Variants in NUDT21 observed in about 807,000 individuals in gnomAD.
The protein encoded by NUDT21 is nudix hydrolase 21.
NUDT21 carries 5 observed loss-of-function variants against 29.8 expected under a neutral mutation model. The ratio of observed to expected loss-of-function variants is 0.17; its 90% CI spans 0.09 to 0.35. The LOEUF is 0.35. Ranked by LOEUF, NUDT21 falls within the 10% of genes least tolerant of loss-of-function variation. NUDT21 has a pLI of 1.00. For missense variants in NUDT21, 76 were observed against 276.0 expected (o/e 0.28, Z 5.13); for synonymous variants, 113 against 98.5 (o/e 1.15, Z -0.87).
chr16:56,442,754 T>C (rs1185168934), intron 3 of NUDT21, among the ~76,000 whole-genome samples: 1 of 152,222 alleles, frequency 6.6e-6, no homozygotes, highest in African/African-American at 2.4e-5. Context: ...TATTTATCTA[T>C]AGTTTATATT....
intron 4 of NUDT21, 59 bp downstream of exon 4, chr16:56,439,598 C>A: frequency 9.3e-7 from 1 of 1,078,534 alleles, no homozygotes. Context: ...TTTAAAGTGG[C>A]TAGAATTAAA....
rs1962046934 is a variant in NUDT21 at position 56,432,619 on chromosome 16, CA to C, written c.*92del. On this transcript the variant is annotated 3_prime_UTR_variant, in exon 7 of 7. Coordinates refer to ENST00000300291, the MANE Select transcript of NUDT21 (RefSeq NM_007006.3). ...TTAGGGATCGCAAAAGAGATAAAAC[CA>C]AAAAAACTTTTCTACCACATTTATT... 7.2e-6 allele frequency: 8 copies of C among 1,116,362 alleles called. No individual in the cohort carries two copies. Among genetic ancestry groups the C allele is most frequent in the South Asian group, 1.9e-5 (1 of 52,128 alleles). 69.2% of individuals were successfully genotyped at this position (1,116,362 alleles called of 1,614,324 possible). A position where few individuals can be genotyped will look rare whatever the true frequency, so the allele number is the denominator to read the frequency against.
At chr16:56,437,892 T>C (rs1368576621) in intron 4 of NUDT21, among the ~76,000 whole-genome samples, 2 of 150,228 alleles carry the variant, frequency 1.3e-5, no homozygotes, top group Admixed American at 6.6e-5. Context: ...TAGCAGCATA[T>C]TTTTTTTTTC....
At chr16:56,446,011 CA>C (rs1160704947) in intron 3 of NUDT21, among the ~76,000 whole-genome samples, 2 of 152,112 alleles carry the variant, frequency 1.3e-5, no homozygotes, top group Non-Finnish European at 2.9e-5. Context: ...AGCTTTGTAA[CA>C]GGGGCAGGCG....
In NUDT21 at chr16:56,432,451, A is replaced by G. The variant is rs1962044436; in HGVS notation, c.*261T>C. ...ATTTTAGAAGTTTAATGAGAAATTAAAATAAAAAAAGTCCATTTTCTTTAA... is the reference window on the plus strand; with the variant it reads ...ATTTTAGAAGTTTAATGAGAAATTAGAATAAAAAAAGTCCATTTTCTTTAA... On this transcript the variant is annotated 3_prime_UTR_variant, in exon 7 of 7. Transcript: ENST00000300291. 2.9e-6 allele frequency: 1 copy of G among 347,236 alleles called. No homozygotes were observed. Among genetic ancestry groups the G allele is most frequent in the Non-Finnish European group, 5.3e-6 (1 of 190,312 alleles). The allele number at this position is 347,236 out of a possible 1,614,324, so 21.5% of individuals were successfully genotyped here.
chr16:56,439,025 G>C (rs571688552), intron 4 of NUDT21: 2 of 152,376 alleles, frequency 1.3e-5, no homozygotes, highest in East Asian at 3.9e-4. Context: ...GAAATGAATA[G>C]CTAGGATACA....
rs1480048642 is a variant in NUDT21, at chr16:56,429,146, A to G, written c.*3566T>C. Reference sequence around the variant, plus strand: ...ATCACAGAGTCATTCTCTTTCAAATATTTTTTATTGAAATGACAATAAAAT... The same window carrying G: ...ATCACAGAGTCATTCTCTTTCAAATGTTTTTTATTGAAATGACAATAAAAT... On this transcript the variant is annotated 3_prime_UTR_variant, in exon 7 of 7. Coordinates refer to ENST00000300291, the MANE Select transcript of NUDT21 (RefSeq NM_007006.3). 3 of 152,230 alleles carry G rather than the reference A, an allele frequency of 2.0e-5. No individual in the cohort carries two copies. Among genetic ancestry groups the G allele is most frequent in the African/African-American group, 7.2e-5 (3 of 41,462 alleles). The allele number at this position is 152,230 out of a possible 1,614,324, so 9.4% of individuals were successfully genotyped here. A position where few individuals can be genotyped will look rare whatever the true frequency, so the allele number is the denominator to read the frequency against.
rs2143944174 is a variant in NUDT21, at chr16:56,446,276, A to G, written c.381+350T>C. On this transcript the variant is annotated intron_variant, in intron 3 of 6. Transcript: ENST00000300291. Reference sequence around the variant, plus strand: ...ATTCAAACCTCTGGCTCTACAACACACTAGCTATATAACAAGAAGTAATTT... The same window carrying G: ...ATTCAAACCTCTGGCTCTACAACACGCTAGCTATATAACAAGAAGTAATTT... Among the ~76,000 whole-genome samples the G allele has an allele frequency of 2.0e-5, 3 of 152,300 alleles. No individual in the cohort carries two copies. In the South Asian group the frequency reaches 6.2e-4, roughly 32 times the overall value.
intron 3 of NUDT21, among the ~76,000 whole-genome samples, chr16:56,442,809 A>G (rs771176478): frequency 2.0e-5 from 3 of 152,214 alleles, no homozygotes; most frequent in East Asian, 3.9e-4. Flanking sequence ...TCTTACCTAC[A>G]TTCTATCTTT....
chr16:56,442,183 A>C (rs1040327477), intron 3 of NUDT21, among the ~76,000 whole-genome samples: 1 of 152,216 alleles, frequency 6.6e-6, no homozygotes, highest in East Asian at 1.9e-4. Flanking sequence ...CACCCAGCCT[A>C]AGACACGTTT....
At position 56,447,652 on chromosome 16, in the gene NUDT21, A is replaced by G. The variant is rs527478207; in HGVS notation, c.317+137T>C. 49 of 712,920 alleles carry G rather than the reference A, an allele frequency of 6.9e-5. No individual in the cohort carries two copies. In the African/African-American group the frequency reaches 8.7e-4, roughly 13 times the overall value. 44.2% of individuals were successfully genotyped at this position (712,920 alleles called of 1,614,324 possible). ...CTGCAATGGAGAAAAATTACTCATG[A>G]TTTTCTCTTTCTAAAGACATCATTA... On this transcript the variant is annotated intron_variant, in intron 2 of 6. Transcript: ENST00000300291.
chr16:56,434,997 T>C (rs1266025399), intron 4 of NUDT21, 168 bp from the exon 5 acceptor site: 4 of 446,782 alleles, frequency 9.0e-6, no homozygotes, highest in African/African-American at 4.1e-5. Context: ...TTAATGCATA[T>C]AAAATAACAA....
intron 4 of NUDT21, among the ~76,000 whole-genome samples, chr16:56,435,947 G>A (rs1180264055): frequency 6.8e-6 from 1 of 146,072 alleles, no homozygotes; most frequent in African/African-American, 2.5e-5. Context: ...AATACCAGAA[G>A]AGCAGTCTAA....
intron 4 of NUDT21, among the ~76,000 whole-genome samples, chr16:56,438,074 A>C (rs1962124135): frequency 6.6e-6 from 1 of 152,214 alleles, no homozygotes; most frequent in Non-Finnish European, 1.5e-5. Context: ...ATTGTGATAG[A>C]CTGCCTTAAG....
At chr16:56,436,120 A>G (rs1962101660) in intron 4 of NUDT21, among the ~76,000 whole-genome samples, 1 of 151,694 alleles carries the variant, frequency 6.6e-6, no homozygotes, top group South Asian at 2.1e-4. Context: ...AACAAAAAAA[A>G]AGTCTAAGGG....
In NUDT21 at chr16:56,432,813, T is replaced by A. The variant is rs180785368; in HGVS notation, c.663-80A>T. 32 of 1,055,396 alleles carry A rather than the reference T, an allele frequency of 3.0e-5. No homozygotes were observed. The East Asian group carries it at 7.6e-4, about 25-fold the overall frequency. 65.4% of individuals were successfully genotyped at this position (1,055,396 alleles called of 1,614,324 possible). On this transcript the variant is annotated intron_variant, in intron 6 of 6. Transcript: ENST00000300291. Reference sequence around the variant, plus strand: ...TATTAGATAAATAAATTTATCTGGATGTTTCTGCCCTCCCTTAGCATGTCT... The same window carrying A: ...TATTAGATAAATAAATTTATCTGGAAGTTTCTGCCCTCCCTTAGCATGTCT...
At chr16:56,434,536 AGTGT>A in intron 5 of NUDT21, 91 bp from the exon 6 acceptor site, 4 of 848,594 alleles carry the variant, frequency 4.7e-6, no homozygotes, top group Admixed American at 2.5e-5. Flanking sequence ...TTTAATAAAA[AGTGT>A]AAGAAAAAAG....
chr16:56,440,721 T>C (rs892709740), intron 3 of NUDT21, among the ~76,000 whole-genome samples: 50 of 152,260 alleles, frequency 3.3e-4, no homozygotes, highest in African/African-American at 1.2e-3. Context: ...GTTTCTTCAA[T>C]GTAAAGTCAT....
chr16:56,448,811 G>A (rs537689881), intron 1 of NUDT21, among the ~76,000 whole-genome samples: 39 of 152,216 alleles, frequency 2.6e-4, no homozygotes, highest in Admixed American at 5.2e-4. Flanking sequence ...CTTTGAGTAC[G>A]AATTTAGGCC....
Sources: gnomAD v4.1 joint callset for allele counts (sites outside exome capture counted in the v4.1 genomes callset) on GRCh38, gnomAD v4.1.1 for gene constraint, MANE v1.5 for transcripts, NCBI Gene and HGNC (gene_info 2026-07-23, HGNC 2026-07-21) for gene names.